SYK: variants seen among roughly 807,000 people sequenced by gnomAD.
SYK encodes spleen associated tyrosine kinase, also known as tyrosine-protein kinase SYK.
A neutral mutation model predicts 77.8 loss-of-function variants in SYK; 16 were observed. That is an observed-to-expected ratio of 0.21 (90% CI 0.14 to 0.31). SYK has a LOEUF of 0.31. SYK is among the 10% of genes least tolerant of loss of function. SYK has a pLI of 1.00. For synonymous variants in SYK, 312 were observed against 308.7 expected, an observed-to-expected ratio of 1.01 and a Z score of -0.11; for missense variants, 529 against 814.4, an observed-to-expected ratio of 0.65 and a Z score of 4.26.
chr9:90,817,014 A>G (rs915664831), intron 1 of SYK, among the ~76,000 whole-genome samples: 1 of 152,226 alleles, frequency 6.6e-6, no homozygotes, highest in African/African-American at 2.4e-5. Context: ...GAGTACAGAT[A>G]TCTTTTCAAC....
chr9:90,808,641 G>A (rs1283563302), intron 1 of SYK, among the ~76,000 whole-genome samples: 3 of 152,032 alleles, frequency 2.0e-5, no homozygotes, highest in African/African-American at 7.2e-5. Flanking sequence ...GTATGGCCAT[G>A]CCTTCCCTAT....
intron 1 of SYK, among the ~76,000 whole-genome samples, chr9:90,804,504 C>G (rs534610366): frequency 2.0e-5 from 3 of 152,318 alleles, no homozygotes; most frequent in Admixed American, 2.0e-4. Context: ...TTTTTTCCAG[C>G]TACCCCCTGA....
intron 1 of SYK, among the ~76,000 whole-genome samples, chr9:90,841,083 G>T (rs1826294931): frequency 6.6e-6 from 1 of 151,926 alleles, no homozygotes; most frequent in South Asian, 2.1e-4. Flanking sequence ...TATGGTGTGT[G>T]TGTGGCATGT....
intron 13 of SYK, among the ~76,000 whole-genome samples, chr9:90,892,869 G>A (rs541062483): frequency 3.9e-5 from 6 of 152,312 alleles, no homozygotes; most frequent in South Asian, 4.1e-4. Context: ...CTCTAGATGC[G>A]GCTCAAATTC....
intron 11 of SYK, among the ~76,000 whole-genome samples, chr9:90,884,389 GCA>G (rs1828343476): frequency 1.4e-5 from 1 of 69,426 alleles, no homozygotes; most frequent in Non-Finnish European, 3.0e-5. Context: ...GTGTATATAT[GCA>G]TACATACACA....
rs1301338519 is a variant in SYK at position 90,862,482 on chromosome 9, AGC to A, written c.717+139_717+140del. The A allele has an allele frequency of 4.7e-6, 5 of 1,053,694 alleles. No homozygotes were observed. The East Asian group carries it at 1.4e-4, about 29-fold the overall frequency. 65.3% of individuals were successfully genotyped at this position (1,053,694 alleles called of 1,614,324 possible). A position where few individuals can be genotyped will look rare whatever the true frequency, so the allele number is the denominator to read the frequency against. On this transcript the variant is annotated intron_variant, in intron 4 of 13. Transcript: ENST00000375754. ...GTCCCCAGGCCAGCAGTAGCTCTGG[AGC>A]TCATGAGAAACACACACCTGGACCA...
rs1252704601 is a variant in SYK at position 90,896,105 on chromosome 9, G to T, written c.*505G>T. ...GAGACTGATCCCTGGCCACTGAAAA[G>T]CTTTCCTGACAATAAAAATGTTTTG... On this transcript the variant is annotated 3_prime_UTR_variant, in exon 14 of 14. Transcript: ENST00000375754. 4.3e-6 allele frequency: 1 copy of T among 232,884 alleles called. No individual in the cohort carries two copies. The highest frequency in any genetic ancestry group is 6.1e-5 in the East Asian group (1 of 16,522). 14.4% of individuals were successfully genotyped at this position (232,884 alleles called of 1,614,324 possible).
intron 6 of SYK, 98 bp downstream of exon 6, chr9:90,865,195 T>G (rs1411457380): frequency 8.0e-7 from 1 of 1,248,074 alleles, no homozygotes; most frequent in East Asian, 2.3e-5. Flanking sequence ...CATTGATATT[T>G]TGATTGCGCT....
At position 90,896,547 on chromosome 9, in the gene SYK, A is replaced by G. The variant is rs201033897; in HGVS notation, c.*947A>G. On this transcript the variant is annotated 3_prime_UTR_variant, in exon 14 of 14. Transcript: ENST00000375754. ...GTCTGCAATGGGGGGCAGCACAGGG[A>G]TCAAAGCCATCTAAAGAGTTTCCAA... is the stretch of plus-strand genomic sequence containing the variant. The G allele has an allele frequency of 2.8e-4, 66 of 232,548 alleles. No homozygotes were observed. The highest frequency in any genetic ancestry group is 4.5e-4 in the Admixed American group (8 of 17,780). 14.4% of individuals were successfully genotyped at this position (232,548 alleles called of 1,614,324 possible).
At chr9:90,815,507 A>G (rs1433270078) in intron 1 of SYK, among the ~76,000 whole-genome samples, 6 of 152,230 alleles carry the variant, frequency 3.9e-5, no homozygotes, top group African/African-American at 1.4e-4. Context: ...GGGTTTGTGA[A>G]TTATAGGACT....
At chr9:90,831,388 G>C (rs912369423) in intron 1 of SYK, among the ~76,000 whole-genome samples, 11 of 152,192 alleles carry the variant, frequency 7.2e-5, no homozygotes, top group Non-Finnish European at 1.0e-4. Context: ...AGAGACATAG[G>C]CTACCTCTTC....
rs200438123 is a variant in SYK at position 90,888,599 on chromosome 9, G to A, written c.1807G>A (p.Asp603Asn). 24 of 1,609,330 alleles carry A rather than the reference G, an allele frequency of 1.5e-5. No homozygotes were observed. Among genetic ancestry groups the A allele is most frequent in the Non-Finnish European group, 1.8e-5 (21 of 1,178,108 alleles). ...CPAGCPREMY[D>N]LMNLCWTYDV... is the part of the protein sequence containing the mutation. Reference sequence around the variant, plus strand: ...TGCAGGGTGTCCAAGAGAGATGTACGATCTCATGAATCTGTGCTGGACATA... The same window carrying A: ...TGCAGGGTGTCCAAGAGAGATGTACAATCTCATGAATCTGTGCTGGACATA... Residue 603 changes from aspartate to asparagine, a missense_variant, in exon 13 of 14, where the codon GAT becomes AAT. Transcript: ENST00000375754.
chr9:90,887,956 T>C, intron 12 of SYK, 67 bp downstream of exon 12: 1 of 1,461,824 alleles, frequency 6.8e-7, no homozygotes, highest in Non-Finnish European at 9.1e-7. Context: ...AGATTGTCTT[T>C]ACAACAACCT....
chr9:90,868,372 A>G (rs537268911), intron 7 of SYK, among the ~76,000 whole-genome samples: 1 of 152,334 alleles, frequency 6.6e-6, no homozygotes, highest in Admixed American at 6.5e-5. Context: ...AGAAAATATC[A>G]GTGACCACCT....
intron 1 of SYK, among the ~76,000 whole-genome samples, chr9:90,807,877 C>T (rs1025176383): frequency 3.3e-5 from 5 of 152,304 alleles, no homozygotes; most frequent in East Asian, 1.9e-4. Flanking sequence ...TCTCTTCTTT[C>T]GTCCTGTGCA....
intron 7 of SYK, among the ~76,000 whole-genome samples, chr9:90,868,858 T>C (rs1302724679): frequency 6.6e-6 from 1 of 152,224 alleles, no homozygotes; most frequent in Non-Finnish European, 1.5e-5. Context: ...AGGTGTTTTT[T>C]CCAAAATTGT....
chr9:90,832,008 A>T (rs1215741522), intron 1 of SYK, among the ~76,000 whole-genome samples: 1 of 152,234 alleles, frequency 6.6e-6, no homozygotes, highest in Non-Finnish European at 1.5e-5. Context: ...GTTGACCATG[A>T]GTTCAAGGTT....
chr9:90,831,220 C>T (rs1825879810), intron 1 of SYK, among the ~76,000 whole-genome samples: 1 of 152,128 alleles, frequency 6.6e-6, no homozygotes, highest in Non-Finnish European at 1.5e-5. Flanking sequence ...CTAAGGACTG[C>T]TGGAAATGTG....
Position 90,843,997 on chromosome 9 carries a change from C to T in SYK, c.99C>T (p.Gly33=), listed in dbSNP as rs1377864077. The T allele has an allele frequency of 3.1e-6, 5 of 1,610,832 alleles. No individual in the cohort carries two copies. The highest frequency in any genetic ancestry group is 4.2e-6 in the Non-Finnish European group (5 of 1,178,408). Residue 33 remains glycine (G), a synonymous_variant, in exon 2 of 14, where the codon GGC becomes GGT. Coordinates refer to ENST00000375754, the MANE Select transcript of SYK (RefSeq NM_003177.7). ...CAGAAGATTACCTGGTCCAGGGGGG[C>T]ATGAGTGATGGGCTTTATTTGCTGC... The part of the protein sequence containing the change: ...EEAEDYLVQG[G]MSDGLYLLRQ...
Sources: gnomAD v4.1 joint callset for allele counts (sites outside exome capture counted in the v4.1 genomes callset) on GRCh38, gnomAD v4.1.1 for gene constraint, MANE v1.5 for transcripts, NCBI Gene and HGNC (gene_info 2026-07-23, HGNC 2026-07-21) for gene names.